PPA2: variants seen among roughly 807,000 people sequenced by gnomAD.
PPA2 encodes inorganic pyrophosphatase 2, mitochondrial.
PPA2 carries 48 observed loss-of-function variants against 49.5 expected under a neutral mutation model. That is an observed-to-expected ratio of 0.97 (90% CI 0.77 to 1.23). The LOEUF (loss-of-function observed/expected upper bound fraction) is 1.23, where lower values mean the gene tolerates loss of function less well. PPA2 is among the 50% of genes most tolerant of loss of function. The pLI is 0.00. For missense variants in PPA2, 429 were observed against 410.1 expected (o/e 1.05, Z -0.40); for synonymous variants, 131 against 139.9 (o/e 0.94, Z 0.45).
intron 7 of PPA2, among the ~76,000 whole-genome samples, chr4:105,416,705 T>C (rs573677760): frequency 4.3e-4 from 66 of 152,358 alleles, no homozygotes; most frequent in African/African-American, 1.6e-3. Flanking sequence ...AATTTATGCT[T>C]ACTCAGAATC....
intron 5 of PPA2, among the ~76,000 whole-genome samples, chr4:105,445,431 T>C (rs982811962): frequency 1.3e-5 from 2 of 152,118 alleles, no homozygotes; most frequent in African/African-American, 4.8e-5. Flanking sequence ...ACCAAGAATG[T>C]ATCCATGTGG....
chr4:105,396,186 A>G, intron 9 of PPA2, 63 bp downstream of exon 9: 2 of 1,036,186 alleles, frequency 1.9e-6, no homozygotes, highest in Non-Finnish European at 2.8e-6. Flanking sequence ...AAATCTGATT[A>G]TTATGTGGCT....
chr4:105,450,481 A>G (rs1053034331), intron 3 of PPA2, among the ~76,000 whole-genome samples: 1 of 151,282 alleles, frequency 6.6e-6, no homozygotes, highest in Non-Finnish European at 1.5e-5. Context: ...GGTTCAAGCA[A>G]TTCTCCTGCC....
At chr4:105,382,350 C>T (rs931270486) in intron 10 of PPA2, among the ~76,000 whole-genome samples, 15 of 152,040 alleles carry the variant, frequency 9.9e-5, no homozygotes, top group African/African-American at 3.6e-4. Context: ...TATGTATTCA[C>T]TAATTATGTA....
chr4:105,400,311 G>A (rs1469026763), intron 7 of PPA2, among the ~76,000 whole-genome samples: 1 of 152,002 alleles, frequency 6.6e-6, no homozygotes, highest in African/African-American at 2.4e-5. Context: ...GTCTACTGAC[G>A]GCGAGTGTCT....
intron 6 of PPA2, among the ~76,000 whole-genome samples, chr4:105,435,183 C>T (rs376775842): frequency 4.6e-5 from 7 of 152,294 alleles, no homozygotes; most frequent in African/African-American, 1.7e-4. Flanking sequence ...GATTCAACCA[C>T]TCATCTCATA....
Position 105,370,560 on chromosome 4 carries a change from G to A in PPA2, c.976+277C>T, listed in dbSNP as rs376350367. 112 of 957,790 alleles carry A rather than the reference G, an allele frequency of 1.2e-4. No individual in the cohort carries two copies. The East Asian group carries it at 7.2e-3, about 61-fold the overall frequency. The allele number at this position is 957,790 out of a possible 1,614,324, so 59.3% of individuals were successfully genotyped here. ...AAATCTTTTAAAATTAAATGTATCA[G>A]AACTGGCTGGAATATCTCAGTACTT... On this transcript the variant is annotated intron_variant, in intron 11 of 11. Transcript: ENST00000341695.
At chr4:105,384,318 G>A (rs1226195414) in intron 10 of PPA2, among the ~76,000 whole-genome samples, 1 of 152,068 alleles carries the variant, frequency 6.6e-6, no homozygotes, top group East Asian at 1.9e-4. Context: ...GCTCAACCAA[G>A]TTACCAAGCC....
chr4:105,370,968 G>C lies in PPA2; in HGVS notation c.940-95C>G, dbSNP rs1733001197. ...TTTTTTCACGAAATTATAGAAGAAA[G>C]TTTACACACAATGGATCTCTAACCT... is the stretch of plus-strand genomic sequence containing the variant. On this transcript the variant is annotated intron_variant, in intron 10 of 11. Coordinates refer to ENST00000341695, the MANE Select transcript of PPA2 (RefSeq NM_176869.3). 5.9e-6 allele frequency: 7 copies of C among 1,189,152 alleles called. 1 individual carries two copies. Among genetic ancestry groups the C allele is most frequent in the Non-Finnish European group, 7.8e-6 (7 of 899,266 alleles). The allele number at this position is 1,189,152 out of a possible 1,614,324, so 73.7% of individuals were successfully genotyped here.
At chr4:105,401,639 T>C (rs918432616) in intron 7 of PPA2, among the ~76,000 whole-genome samples, 1 of 152,182 alleles carries the variant, frequency 6.6e-6, no homozygotes, top group Non-Finnish European at 1.5e-5. Flanking sequence ...TTCCCACTTG[T>C]GGAATTAATT....
At chr4:105,417,591 A>G (rs1157812589) in intron 7 of PPA2, among the ~76,000 whole-genome samples, 4 of 151,858 alleles carry the variant, frequency 2.6e-5, no homozygotes, top group African/African-American at 9.7e-5. Flanking sequence ...TCAAGGTTCA[A>G]AAAAGAGACA....
chr4:105,445,654 T>C (rs1248111870), intron 5 of PPA2, among the ~76,000 whole-genome samples: 3 of 152,042 alleles, frequency 2.0e-5, no homozygotes, highest in African/African-American at 7.2e-5. Flanking sequence ...AGACAGATGG[T>C]CTATGGTTTT....
chr4:105,413,967 T>A (rs1304562401), intron 7 of PPA2, among the ~76,000 whole-genome samples: 1 of 152,046 alleles, frequency 6.6e-6, no homozygotes, highest in East Asian at 1.9e-4. Flanking sequence ...ACCTAAATAA[T>A]AAAGGGTTAA....
chr4:105,370,855 T>C lies in PPA2; in HGVS notation c.958A>G (p.Lys320Glu). Residue 320 changes from lysine to glutamate, a missense_variant, in exon 11 of 12, where the codon AAA becomes GAA. Coordinates refer to ENST00000341695, the MANE Select transcript of PPA2 (RefSeq NM_176869.3). Reference sequence around the variant, plus strand: ...ACTATACCTTCTTCATTACTTTCTTTATTTGGTGAAGATGATACCTGGAAA... The same window carrying C: ...ACTATACCTTCTTCATTACTTTCTTCATTTGGTGAAGATGATACCTGGAAA... ...LVESVSSSPN[K>E]ESNEEEQVWH... The C allele has an allele frequency of 2.0e-6, 3 of 1,470,560 alleles. No individual in the cohort carries two copies. Among genetic ancestry groups the C allele is most frequent in the Non-Finnish European group, 2.8e-6 (3 of 1,090,870 alleles). 91.1% of individuals were successfully genotyped at this position (1,470,560 alleles called of 1,614,324 possible).
chr4:105,431,963 G>A (rs1297818231), intron 6 of PPA2, among the ~76,000 whole-genome samples: 1 of 152,074 alleles, frequency 6.6e-6, no homozygotes, highest in African/African-American at 2.4e-5. Context: ...ATGGGGATGG[G>A]GTTTCCTTTT....
chr4:105,389,351 T>C (rs1422784961), intron 9 of PPA2, among the ~76,000 whole-genome samples: 2 of 151,722 alleles, frequency 1.3e-5, no homozygotes, highest in African/African-American at 2.4e-5. Context: ...TTCTTTTTAC[T>C]TCTCAAACTA....
intron 6 of PPA2, among the ~76,000 whole-genome samples, chr4:105,426,132 T>C (rs1329078776): frequency 6.6e-6 from 1 of 152,126 alleles, no homozygotes; most frequent in African/African-American, 2.4e-5. Context: ...TTAAAATGAG[T>C]ATATTCTATT....
intron 1 of PPA2, among the ~76,000 whole-genome samples, chr4:105,466,051 A>G (rs186387913): frequency 6.6e-6 from 1 of 152,216 alleles, no homozygotes; most frequent in African/African-American, 2.4e-5. Flanking sequence ...CTGCTGCAAG[A>G]AACTACCACA....
chr4:105,376,908 G>T (rs1464265362), intron 10 of PPA2, among the ~76,000 whole-genome samples: 2 of 152,094 alleles, frequency 1.3e-5, no homozygotes, highest in Admixed American at 6.6e-5. Flanking sequence ...AAGTATTAGA[G>T]AACCTCACAC....
Sources: allele counts gnomAD v4.1 joint callset (sites outside exome capture counted in the v4.1 genomes callset), GRCh38; gene constraint gnomAD v4.1.1; transcripts MANE v1.5; gene names NCBI Gene and HGNC (gene_info 2026-07-23, HGNC 2026-07-21).